PCDHA3: variants seen among roughly 807,000 people sequenced by gnomAD.
PCDHA3 encodes protocadherin alpha 3.
In PCDHA3, 41 loss-of-function variants were observed where a neutral mutation model predicts 62.2. The observed-to-expected ratio is 0.66, with a 90% CI of 0.51 to 0.86. The LOEUF (loss-of-function observed/expected upper bound fraction) is 0.86. Among genes scored for constraint, PCDHA3 ranks in the 40% least tolerant of loss-of-function variants. The pLI is 0.00. For synonymous variants in PCDHA3, 640 were observed against 555.4 expected (o/e 1.15, Z -2.14); for missense variants, 1,304 against 1,241.2 (o/e 1.05, Z -0.76).
intron 1 of PCDHA3, among the ~76,000 whole-genome samples, chr5:140,820,180 G>A (rs1766704546): frequency 6.6e-6 from 1 of 151,862 alleles, no homozygotes; most frequent in Non-Finnish European, 1.5e-5. Flanking sequence ...AATAGTCTGG[G>A]AAATTGATTT....
chr5:140,978,758 C>A (rs925464508), intron 1 of PCDHA3, among the ~76,000 whole-genome samples, 191 bp from the exon 2 acceptor site: 6 of 152,148 alleles, frequency 3.9e-5, no homozygotes, highest in African/African-American at 1.4e-4. Context: ...TGTGTGAGGA[C>A]CCTGATGAAC....
intron 1 of PCDHA3, chr5:140,834,806 C>T (rs1160090879): frequency 1.9e-6 from 3 of 1,612,728 alleles, no homozygotes; most frequent in African/African-American, 1.3e-5. Flanking sequence ...GGAATCTGTT[C>T]ATCGCGGAAT....
Position 140,848,639 on chromosome 5 carries a change from C to A in PCDHA3, c.2394+45048C>A, listed in dbSNP as rs2150415771. 38 of 1,593,274 alleles carry A rather than the reference C, an allele frequency of 2.4e-5. 3 individuals carry two copies. Among genetic ancestry groups the A allele is most frequent in the Non-Finnish European group, 3.1e-5 (36 of 1,163,894 alleles). On this transcript the variant is annotated intron_variant, in intron 1 of 3. Coordinates refer to ENST00000522353, the MANE Select transcript of PCDHA3 (RefSeq NM_018906.3). ...AACACGGCACCTTCGTGGGCCGCAT[C>A]GCGCAGGACCTGGGGCTGGAGCTGG... is the stretch of plus-strand genomic sequence containing the variant.
intron 1 of PCDHA3, chr5:140,836,345 C>CG (rs1388004217): frequency 8.1e-6 from 13 of 1,613,572 alleles, no homozygotes; most frequent in Non-Finnish European, 9.3e-6. Flanking sequence ...TGAAGGACCA[C>CG]GGGGAGCCCT....
At chr5:140,850,545 G>C in intron 1 of PCDHA3, 1 of 1,598,382 alleles carries the variant, frequency 6.3e-7, no homozygotes, top group South Asian at 1.1e-5. Context: ...GCGGGCGTCA[G>C]TGGGTGCCAC....
Position 141,009,950 on chromosome 5 carries a change from G to C in PCDHA3, c.*13G>C, listed in dbSNP as rs782235440. On this transcript the variant is annotated 3_prime_UTR_variant, in exon 4 of 4. Coordinates refer to ENST00000522353, the MANE Select transcript of PCDHA3 (RefSeq NM_018906.3). ...CAGTGACCAGTGAGGTCCTCAAATGGAAACAAGCCACTTAGCCAGTTTTTG... is the reference window on the plus strand; with the variant it reads ...CAGTGACCAGTGAGGTCCTCAAATGCAAACAAGCCACTTAGCCAGTTTTTG... 12 of 1,593,098 alleles carry C rather than the reference G, an allele frequency of 7.5e-6. No individual in the cohort carries two copies. In the East Asian group the frequency reaches 2.5e-4, roughly 33 times the overall value.
intron 3 of PCDHA3, among the ~76,000 whole-genome samples, chr5:140,996,177 C>T (rs1214472705): frequency 6.6e-6 from 1 of 152,226 alleles, no homozygotes; most frequent in Non-Finnish European, 1.5e-5. Flanking sequence ...GCTGACAGCA[C>T]CTCCATTTTA....
chr5:141,006,275 G>A (rs782763386), intron 3 of PCDHA3, among the ~76,000 whole-genome samples: 1 of 151,772 alleles, frequency 6.6e-6, no homozygotes. Flanking sequence ...GCAGTGGCAC[G>A]ATCTCAGCTC....
At chr5:140,932,794 G>A (rs945877357) in intron 1 of PCDHA3, among the ~76,000 whole-genome samples, 46 of 151,806 alleles carry the variant, frequency 3.0e-4, no homozygotes, top group African/African-American at 4.8e-5. Flanking sequence ...TAAGAGAAAA[G>A]CAATACCTTG....
chr5:141,000,367 C>G (rs1158701279), intron 3 of PCDHA3, among the ~76,000 whole-genome samples: 1 of 18,506 alleles, frequency 5.4e-5, no homozygotes, highest in Admixed American at 6.5e-4. Flanking sequence ...CTCTGTCTCT[C>G]TCTCTCTCTC....
At chr5:140,852,691 T>C (rs1027871378) in intron 1 of PCDHA3, 4 of 974,686 alleles carry the variant, frequency 4.1e-6, no homozygotes, top group East Asian at 1.1e-4. Context: ...TATAGTCTTA[T>C]ACTTTCAAGT....
chr5:140,933,441 C>T (rs1197059199), intron 1 of PCDHA3, among the ~76,000 whole-genome samples: 1 of 151,990 alleles, frequency 6.6e-6, no homozygotes, highest in African/African-American at 2.4e-5. Flanking sequence ...ACTCTAATGA[C>T]ATACCTTCAA....
At position 140,802,978 on chromosome 5, in the gene PCDHA3, T is replaced by G. The variant is rs1353160652; in HGVS notation, c.1781T>G (p.Val594Gly). 6.2e-7 allele frequency: 1 copy of G among 1,613,862 alleles called. No homozygotes were observed. The highest frequency in any genetic ancestry group is 8.5e-7 in the Non-Finnish European group (1 of 1,179,932). Reference sequence around the variant, plus strand: ...GGTGCGGGCCACGTGGTAGCGAAGGTGCGCGCAGTGGATGCAGACTCAGGC... The same window carrying G: ...GGTGCGGGCCACGTGGTAGCGAAGGGGCGCGCAGTGGATGCAGACTCAGGC... ...SVGAGHVVAKVRAVDADSGYN... is the reference protein window; with the variant it reads ...SVGAGHVVAKGRAVDADSGYN... Residue 594 changes from valine (V) to glycine (G), a missense_variant, in exon 1 of 4, where the codon GTG (valine) becomes GGG (glycine). By Grantham distance (109) the Val-to-Gly change is moderately radical. Transcript: ENST00000522353.
chr5:140,856,162 C>T (rs782071685), intron 1 of PCDHA3: 7 of 1,598,320 alleles, frequency 4.4e-6, no homozygotes, highest in Non-Finnish European at 6.0e-6. Context: ...ACGAGGAGGC[C>T]AGACACGGCA....
intron 1 of PCDHA3, among the ~76,000 whole-genome samples, chr5:140,952,279 T>C (rs1222400527): frequency 6.7e-6 from 1 of 149,858 alleles, no homozygotes; most frequent in Non-Finnish European, 1.5e-5. Flanking sequence ...TTGAGGGTGG[T>C]GGCCCTCTTC....
In PCDHA3 at chr5:140,947,454, C is replaced by G. The variant is rs138457341; in HGVS notation, c.2395-31495C>G. 3.0e-4 allele frequency among the ~76,000 whole-genome samples: 45 copies of G among 151,700 alleles called. No individual in the cohort carries two copies. In the East Asian group the frequency reaches 8.3e-3, roughly 28 times the overall value. On this transcript the variant is annotated intron_variant, in intron 1 of 3. Coordinates refer to ENST00000522353, the MANE Select transcript of PCDHA3 (RefSeq NM_018906.3). ...AAAATCAGCTGTGAAATCCTCCAACCTTGTTCTACTTGTAAACATTGTTTT... is the reference window on the plus strand; with the variant it reads ...AAAATCAGCTGTGAAATCCTCCAACGTTGTTCTACTTGTAAACATTGTTTT...
At chr5:140,929,678 T>C in intron 1 of PCDHA3, 1 of 305,066 alleles carries the variant, frequency 3.3e-6, no homozygotes, top group East Asian at 5.8e-5. Flanking sequence ...ATGAAAAATA[T>C]GTAAGAGTCT....
intron 1 of PCDHA3, among the ~76,000 whole-genome samples, chr5:140,932,460 A>G (rs1275552236): frequency 6.6e-6 from 1 of 151,902 alleles, no homozygotes; most frequent in Non-Finnish European, 1.5e-5. Flanking sequence ...TTGCCAGGGT[A>G]TATAGGAAAT....
intron 3 of PCDHA3, among the ~76,000 whole-genome samples, chr5:140,986,982 G>A (rs782173410): frequency 3.9e-5 from 6 of 152,164 alleles, no homozygotes; most frequent in Non-Finnish European, 8.8e-5. Context: ...GGGAGGCCAA[G>A]GCAGGCAGAT....
Sources: allele counts gnomAD v4.1 joint callset (sites outside exome capture counted in the v4.1 genomes callset), GRCh38; gene constraint gnomAD v4.1.1; transcripts MANE v1.5; gene names NCBI Gene and HGNC (gene_info 2026-07-23, HGNC 2026-07-21).